The following STIMATE variants were observed in gnomAD, a reference collection of about 807,000 sequenced individuals.
STIMATE encodes the protein store-operated calcium entry regulator STIMATE.
STIMATE carries 15 observed loss-of-function variants against 36.7 expected under a neutral mutation model. The observed-to-expected ratio is 0.41, with a 90% CI of 0.27 to 0.63. The LOEUF (loss-of-function observed/expected upper bound fraction) is 0.63. STIMATE is among the 20% of genes least tolerant of loss of function. STIMATE has a pLI of 0.32. For missense variants in STIMATE, 305 were observed against 397.3 expected (o/e 0.77, Z 1.98); for synonymous variants, 163 against 162.3 (o/e 1.00, Z -0.03).
chr3:52,860,850 G>A (rs541039788), intron 1 of STIMATE, among the ~76,000 whole-genome samples: 144 of 152,280 alleles, frequency 9.5e-4, no homozygotes, highest in African/African-American at 2.9e-3. Flanking sequence ...ACGTGGTGGC[G>A]GGGGTACTTA....
chr3:52,843,712 G>A lies in STIMATE; in HGVS notation c.618+9C>T. 6.2e-7 allele frequency: 1 copy of A among 1,614,116 alleles called. No homozygotes were observed. The highest frequency in any genetic ancestry group is 2.2e-5 in the East Asian group (1 of 44,878). Reference sequence around the variant, plus strand: ...GCAAATCGGGATAAAAATGCAACATGGCACTGACGTTGACAAAGAAGGGGA... The same window carrying A: ...GCAAATCGGGATAAAAATGCAACATAGCACTGACGTTGACAAAGAAGGGGA... On this transcript the variant is annotated intron_variant, in intron 6 of 7. Coordinates refer to ENST00000355083, the MANE Select transcript of STIMATE (RefSeq NM_198563.5).
chr3:52,884,242 A>G (rs1297741395), intron 1 of STIMATE, among the ~76,000 whole-genome samples: 2 of 138,490 alleles, frequency 1.4e-5, no homozygotes, highest in African/African-American at 2.6e-5. Flanking sequence ...CCATCACCCA[A>G]AAAGTTTTTT....
intron 1 of STIMATE, among the ~76,000 whole-genome samples, chr3:52,889,687 A>G (rs1452160088): frequency 6.6e-6 from 1 of 152,156 alleles, no homozygotes; most frequent in Non-Finnish European, 1.5e-5. Flanking sequence ...AGGCACTACC[A>G]AGAGGATGGG....
Position 52,878,093 on chromosome 3 carries a change from T to TA in STIMATE, c.160+19197dup, listed in dbSNP as rs532307762. ...TGGGCGACAGAGCAAGACTCCGTCT[T>TA]AAAAAAAAAAAAAAAAAAAGACAGG... On this transcript the variant is annotated intron_variant, in intron 1 of 7. Transcript: ENST00000355083. Among the ~76,000 whole-genome samples, 750 of 112,426 alleles carry TA rather than the reference T, an allele frequency of 6.7e-3. 6 individuals are homozygous for TA. The highest frequency in any genetic ancestry group is 0.016 in the African/African-American group (491 of 30,152). The allele number at this position is 112,426 out of a possible 152,430, so 73.8% of individuals were successfully genotyped here. A position where few individuals can be genotyped will look rare whatever the true frequency, so the allele number is the denominator to read the frequency against.
At chr3:52,890,497 T>C (rs1368123411) in intron 1 of STIMATE, among the ~76,000 whole-genome samples, 1 of 152,240 alleles carries the variant, frequency 6.6e-6, no homozygotes, top group Non-Finnish European at 1.5e-5. Flanking sequence ...TCTACTGGCA[T>C]TTAGTGGGTA....
At chr3:52,845,929 TGG>T (rs1559489206) in intron 4 of STIMATE, among the ~76,000 whole-genome samples, 3 of 7,314 alleles carry the variant, frequency 4.1e-4, no homozygotes, top group African/African-American at 1.9e-3. Context: ...GGTAGCATTT[TGG>T]GGGTGGCGGG....
Position 52,840,214 on chromosome 3 carries a change from C to T in STIMATE, c.*280G>A, listed in dbSNP as rs368840873. On this transcript the variant is annotated 3_prime_UTR_variant, in exon 8 of 8. Coordinates refer to ENST00000355083, the MANE Select transcript of STIMATE (RefSeq NM_198563.5). ...AGGTCCCTCACAACACTGTCTGGGA[C>T]GACAACAAACAAACACAGCTCCTTC... 1.1e-3 allele frequency: 258 copies of T among 243,788 alleles called. 4 individuals carry two copies. The South Asian group carries it at 0.019, about 18-fold the overall frequency. The allele number at this position is 243,788 out of a possible 1,614,324, so 15.1% of individuals were successfully genotyped here.
intron 4 of STIMATE, 45 bp from the exon 5 acceptor site, chr3:52,844,986 T>C: frequency 6.3e-7 from 1 of 1,597,972 alleles, no homozygotes; most frequent in African/African-American, 1.3e-5. Flanking sequence ...CCCAGGCATC[T>C]GAGTGAGATG....
intron 1 of STIMATE, among the ~76,000 whole-genome samples, chr3:52,857,765 TATAG>T (rs1559492522): frequency 6.6e-6 from 1 of 150,654 alleles, no homozygotes; most frequent in African/African-American, 2.4e-5. Flanking sequence ...TATTATTATA[TATAG>T]AGAGAGAGAG....
At chr3:52,890,721 GATT>G (rs1701769970) in intron 1 of STIMATE, among the ~76,000 whole-genome samples, 1 of 152,232 alleles carries the variant, frequency 6.6e-6, no homozygotes, top group Non-Finnish European at 1.5e-5. Flanking sequence ...TAAACCTCAA[GATT>G]ATTAATGACC....
chr3:52,849,653 G>T, intron 4 of STIMATE, 139 bp downstream of exon 4: 6 of 1,412,426 alleles, frequency 4.2e-6, no homozygotes, highest in Non-Finnish European at 5.6e-6. Flanking sequence ...ACCCAGAACA[G>T]CCCCCTCTAC....
At chr3:52,849,101 G>A (rs1418773864) in intron 4 of STIMATE, among the ~76,000 whole-genome samples, 5 of 152,174 alleles carry the variant, frequency 3.3e-5, no homozygotes, top group African/African-American at 9.7e-5. Context: ...TGGGGATCCC[G>A]AATTCCATCC....
At chr3:52,862,809 T>C (rs1457570232) in intron 1 of STIMATE, among the ~76,000 whole-genome samples, 2 of 152,216 alleles carry the variant, frequency 1.3e-5, no homozygotes, top group Non-Finnish European at 2.9e-5. Context: ...GATGAGATCA[T>C]TCTGGACTAA....
rs1444219221 is a variant in STIMATE, at chr3:52,884,342, TTC to T, written c.160+12947_160+12948del. Reference sequence around the variant, plus strand: ...TTCACTGCAACCTCCGCTTCCCGGGTTCAAGCGATTCTCCTGCCTCAGCCTCC... The same window carrying T: ...TTCACTGCAACCTCCGCTTCCCGGGTAAGCGATTCTCCTGCCTCAGCCTCC... On this transcript the variant is annotated intron_variant, in intron 1 of 7. Transcript: ENST00000355083. Among the ~76,000 whole-genome samples the T allele has an allele frequency of 1.3e-4, 19 of 149,510 alleles. No individual in the cohort carries two copies. The South Asian group carries it at 3.6e-3, about 29-fold the overall frequency.
chr3:52,872,345 C>T (rs966761406), intron 1 of STIMATE, among the ~76,000 whole-genome samples: 3 of 152,202 alleles, frequency 2.0e-5, no homozygotes, highest in African/African-American at 7.2e-5. Context: ...CAGTCTGTCA[C>T]TTTTAAGCCA....
chr3:52,880,211 G>T (rs1423656234), intron 1 of STIMATE, among the ~76,000 whole-genome samples: 2 of 152,086 alleles, frequency 1.3e-5, no homozygotes, highest in South Asian at 2.1e-4. Flanking sequence ...ACCAGGCAAC[G>T]GTGTGCATCA....
intron 1 of STIMATE, among the ~76,000 whole-genome samples, chr3:52,868,131 C>T (rs2106697905): frequency 6.6e-6 from 1 of 152,338 alleles, no homozygotes; most frequent in Admixed American, 6.5e-5. Context: ...AGGCCCCACT[C>T]AAACCTCCTC....
chr3:52,860,869 C>A (rs1701206052), intron 1 of STIMATE, among the ~76,000 whole-genome samples: 1 of 152,126 alleles, frequency 6.6e-6, no homozygotes. Context: ...TATCTCCAGG[C>A]AACAAACAAG....
chr3:52,852,750 C>T, intron 2 of STIMATE, 52 bp from the exon 3 acceptor site: 1 of 1,596,792 alleles, frequency 6.3e-7, no homozygotes, highest in South Asian at 1.1e-5. Context: ...GCGCAATATC[C>T]AATTTGAGGA....
Sources: gnomAD v4.1 joint callset for allele counts (sites outside exome capture counted in the v4.1 genomes callset) on GRCh38, gnomAD v4.1.1 for gene constraint, MANE v1.5 for transcripts, NCBI Gene and HGNC (gene_info 2026-07-23, HGNC 2026-07-21) for gene names.